DGKG: variants seen among roughly 807,000 people sequenced by gnomAD.
The protein encoded by DGKG is diacylglycerol kinase gamma, also known as DAG kinase gamma.
In DGKG, 78 loss-of-function variants were observed where a neutral mutation model predicts 105.3. That is an observed-to-expected ratio of 0.74 (90% confidence interval 0.62 to 0.89). The LOEUF is 0.89. DGKG is among the 40% of genes least tolerant of loss of function. The pLI, the probability that DGKG is intolerant of heterozygous loss-of-function variation, is 0.00. For synonymous variants in DGKG, 346 were observed against 367.1 expected, an observed-to-expected ratio of 0.94 and a Z score of 0.66; for missense variants, 958 against 1,020.1, an observed-to-expected ratio of 0.94 and a Z score of 0.83.
chr3:186,190,372 G>T (rs755328255), intron 21 of DGKG, among the ~76,000 whole-genome samples: 1 of 152,128 alleles, frequency 6.6e-6, no homozygotes, highest in Admixed American at 6.5e-5. Flanking sequence ...CATCAACGAC[G>T]GGATCTAATG....
intron 1 of DGKG, among the ~76,000 whole-genome samples, chr3:186,336,198 C>A (rs1326885734): frequency 6.6e-6 from 1 of 152,160 alleles, no homozygotes; most frequent in African/African-American, 2.4e-5. Context: ...CCAACTTCTC[C>A]CTTCACCAAG....
At chr3:186,285,554 T>G (rs777771562) in intron 6 of DGKG, among the ~76,000 whole-genome samples, 3 of 152,254 alleles carry the variant, frequency 2.0e-5, no homozygotes, top group Non-Finnish European at 4.4e-5. Context: ...TGTTTACTTA[T>G]GGGACCTGGA....
intron 3 of DGKG, among the ~76,000 whole-genome samples, chr3:186,300,377 C>T (rs996620987): frequency 6.6e-6 from 1 of 152,180 alleles, no homozygotes; most frequent in African/African-American, 2.4e-5. Context: ...GATCCTAGCC[C>T]ATTACCTCTG....
rs1435463291 is a variant in DGKG, at chr3:186,298,157, T to C, written c.217A>G (p.Thr73Ala). ...LEVDLPQPLS[T>A]HLFLAFSQKP... ...TGGCTGAAGGCCAGGAAGAGGTGAG[T>C]GCTCAGTGGCTGGGGAAGGTCCACC... The change falls in exon 4 of 25, where the codon ACT becomes GCT. Residue 73 changes from threonine to alanine, a missense_variant. By Grantham distance (58) the Thr-to-Ala change is moderately conservative (BLOSUM62 0). Around this residue, in one of 2 missense-constraint regions of DGKG, gnomAD observed 643 missense variants for 619.5 expected, o/e 1.04. Coordinates refer to ENST00000265022, the MANE Select transcript of DGKG (RefSeq NM_001346.3). The C allele has an allele frequency of 1.2e-6, 2 of 1,613,888 alleles. No homozygotes were observed. Among genetic ancestry groups the C allele is most frequent in the Non-Finnish European group, 1.7e-6 (2 of 1,179,984 alleles).
chr3:186,265,843 T>G (rs771286174), intron 13 of DGKG, among the ~76,000 whole-genome samples: 3 of 151,874 alleles, frequency 2.0e-5, no homozygotes, highest in Non-Finnish European at 4.4e-5. Context: ...CTAATTTTCT[T>G]GTATTTTTAG....
At chr3:186,294,902 C>T (rs532754445) in intron 5 of DGKG, among the ~76,000 whole-genome samples, 71 of 152,268 alleles carry the variant, frequency 4.7e-4, no homozygotes, top group Admixed American at 9.2e-4. Flanking sequence ...CTGAAGCCTT[C>T]GGGAAGGCAC....
At chr3:186,205,581 G>A (rs1368201883) in intron 21 of DGKG, among the ~76,000 whole-genome samples, 1 of 151,916 alleles carries the variant, frequency 6.6e-6, no homozygotes, top group Non-Finnish European at 1.5e-5. Context: ...GTGGTGGCGG[G>A]CACCTATAAT....
At chr3:186,344,060 T>G (rs1054162669) in intron 1 of DGKG, among the ~76,000 whole-genome samples, 2 of 152,204 alleles carry the variant, frequency 1.3e-5, no homozygotes, top group Non-Finnish European at 2.9e-5. Context: ...GAATGGTTAT[T>G]ATTAAAAAGT....
At chr3:186,350,265 C>A (rs931407453) in intron 1 of DGKG, among the ~76,000 whole-genome samples, 5 of 152,306 alleles carry the variant, frequency 3.3e-5, no homozygotes, top group Non-Finnish European at 4.4e-5. Context: ...CACCACCACA[C>A]CCTGGCAGCT....
At chr3:186,220,389 C>A (rs562527728) in intron 20 of DGKG, among the ~76,000 whole-genome samples, 1 of 152,128 alleles carries the variant, frequency 6.6e-6, no homozygotes, top group African/African-American at 2.4e-5. Flanking sequence ...CTTAGGAAAC[C>A]GAGATCAGTT....
Position 186,159,697 on chromosome 3 carries a change from C to T in DGKG, c.2277+1906G>A, listed in dbSNP as rs1716196388. 3 of 152,242 alleles carry T rather than the reference C, an allele frequency of 2.0e-5. No homozygotes were observed. In the South Asian group the frequency reaches 6.2e-4, roughly 32 times the overall value. 9.4% of individuals were successfully genotyped at this position (152,242 alleles called of 1,614,324 possible). Reference sequence around the variant, plus strand: ...TCAACAAGGGGTACATGGGTTTTAACCCTTGCAAGTTTAAGAATGATTTTC... The same window carrying T: ...TCAACAAGGGGTACATGGGTTTTAATCCTTGCAAGTTTAAGAATGATTTTC... On this transcript the variant is annotated intron_variant, in intron 24 of 24. Coordinates refer to ENST00000265022, the MANE Select transcript of DGKG (RefSeq NM_001346.3).
At position 186,174,215 on chromosome 3, in the gene DGKG, C is replaced by T. The variant is rs528298937; in HGVS notation, c.2096-9197G>A. Among the ~76,000 whole-genome samples, 13 of 152,284 alleles carry T rather than the reference C, an allele frequency of 8.5e-5. No individual in the cohort carries two copies. The South Asian group carries it at 2.3e-3, about 27-fold the overall frequency. ...TGTCTCGAAGTTTAGAAGGGATGCC[C>T]TCAAGTACCTTGTATGAATAGGATG... On this transcript the variant is annotated intron_variant, in intron 22 of 24. Coordinates refer to ENST00000265022, the MANE Select transcript of DGKG (RefSeq NM_001346.3).
At chr3:186,161,887 C>CTGTG (rs34580207) in intron 23 of DGKG, among the ~76,000 whole-genome samples, 3,284 of 150,280 alleles carry the variant, frequency 0.022, 117 homozygotes, top group African/African-American at 0.074. Flanking sequence ...GTTTCTGTGT[C>CTGTG]TGTGTGTGTG....
chr3:186,148,452 A>C lies in DGKG; in HGVS notation c.*1638T>G. On this transcript the variant is annotated 3_prime_UTR_variant, in exon 25 of 25. Coordinates refer to ENST00000265022, the MANE Select transcript of DGKG (RefSeq NM_001346.3). ...AGGTCAGAGAGAACCTCTGGGAAGC[A>C]GCATGAGGCGCTCGTTTTCTTGTGT... 2 of 985,438 alleles carry C rather than the reference A, an allele frequency of 2.0e-6. No homozygotes were observed. The highest frequency in any genetic ancestry group is 9.4e-5 in the South Asian group (2 of 21,290). 61.0% of individuals were successfully genotyped at this position (985,438 alleles called of 1,614,324 possible). A position where few individuals can be genotyped will look rare whatever the true frequency, so the allele number is the denominator to read the frequency against.
intron 24 of DGKG, chr3:186,159,001 A>G: frequency 7.7e-6 from 2 of 258,344 alleles, no homozygotes; most frequent in Non-Finnish European, 1.2e-5. Context: ...TATATATTAT[A>G]TATACGTATG....
rs1419532923 is a variant in DGKG, at chr3:186,148,512, G to T, written c.*1578C>A. 9.1e-6 allele frequency: 9 copies of T among 985,346 alleles called. No individual in the cohort carries two copies. The highest frequency in any genetic ancestry group is 3.5e-5 in the African/African-American group (2 of 57,238). The allele number at this position is 985,346 out of a possible 1,614,324, so 61.0% of individuals were successfully genotyped here. On this transcript the variant is annotated 3_prime_UTR_variant, in exon 25 of 25. Coordinates refer to ENST00000265022, the MANE Select transcript of DGKG (RefSeq NM_001346.3). The stretch of plus-strand genomic sequence containing the variant: ...CCATCCACGCATGTGCTGTACGTTT[G>T]TTCCTCCCTGGCAACCTGGATCCAA...
At chr3:186,348,505 G>A (rs1726471397) in intron 1 of DGKG, among the ~76,000 whole-genome samples, 1 of 143,898 alleles carries the variant, frequency 6.9e-6, no homozygotes, top group South Asian at 2.2e-4. Context: ...AGGCTGGAGT[G>A]CAGTGCTGTG....
rs1242123058 is a variant in DGKG at position 186,147,446 on chromosome 3, T to C, written c.*2644A>G. 14 of 985,134 alleles carry C rather than the reference T, an allele frequency of 1.4e-5. No homozygotes were observed. Among genetic ancestry groups the C allele is most frequent in the Non-Finnish European group, 1.6e-5 (13 of 829,696 alleles). The allele number at this position is 985,134 out of a possible 1,614,324, so 61.0% of individuals were successfully genotyped here. A position where few individuals can be genotyped will look rare whatever the true frequency, so the allele number is the denominator to read the frequency against. On this transcript the variant is annotated 3_prime_UTR_variant, in exon 25 of 25. Transcript: ENST00000265022. ...TATGAGGGTCACTATGATGAGGGACTCCACCACAAGAAACCACAGTCATAG... is the reference window on the plus strand; with the variant it reads ...TATGAGGGTCACTATGATGAGGGACCCCACCACAAGAAACCACAGTCATAG...
At chr3:186,258,962 G>T (rs919998956) in intron 16 of DGKG, among the ~76,000 whole-genome samples, 1 of 152,176 alleles carries the variant, frequency 6.6e-6, no homozygotes, top group Non-Finnish European at 1.5e-5. Flanking sequence ...GGACACCTTG[G>T]GGGTGGAACT....
Sources: allele counts gnomAD v4.1 joint callset (sites outside exome capture counted in the v4.1 genomes callset), GRCh38; gene constraint gnomAD v4.1.1; regional missense constraint gnomAD v4.1.1; transcripts MANE v1.5; gene names NCBI Gene and HGNC (gene_info 2026-07-23, HGNC 2026-07-21).